Variants in NSUN6 observed in about 807,000 individuals in gnomAD.
NSUN6 encodes the protein tRNA (cytosine(72)-C(5))-methyltransferase NSUN6.
In NSUN6, 64 loss-of-function variants were observed where a neutral mutation model predicts 58.0. The observed-to-expected ratio is 1.10, with a 90% CI of 0.90 to 1.36. The LOEUF (loss-of-function observed/expected upper bound fraction) is 1.36. Among genes scored for constraint, NSUN6 ranks in the 40% most tolerant of loss-of-function variants. NSUN6 has a pLI of 0.00. For synonymous variants in NSUN6, 231 were observed against 193.9 expected, an observed-to-expected ratio of 1.19 and a Z score of -1.59; for missense variants, 701 against 550.1, an observed-to-expected ratio of 1.27 and a Z score of -2.74.
At chr10:18,635,211 C>T (rs1289659786) in intron 3 of NSUN6, among the ~76,000 whole-genome samples, 2 of 152,138 alleles carry the variant, frequency 1.3e-5, no homozygotes, top group Non-Finnish European at 2.9e-5. Flanking sequence ...TTAAGCATGT[C>T]CTATGGGACC....
intron 6 of NSUN6, among the ~76,000 whole-genome samples, chr10:18,604,742 T>G (rs886830023): frequency 4.0e-5 from 6 of 151,662 alleles, no homozygotes; most frequent in Admixed American, 2.0e-4. Context: ...AAAAATTAAC[T>G]GGGTGTAGTG....
At chr10:18,600,543 T>C (rs1380868207) in intron 6 of NSUN6, among the ~76,000 whole-genome samples, 1 of 152,028 alleles carries the variant, frequency 6.6e-6, no homozygotes, top group Non-Finnish European at 1.5e-5. Context: ...GAAGATCACT[T>C]GAGCCTGGAA....
rs559049092 is a variant in NSUN6, at chr10:18,593,108, C to G, written c.777+3100G>C. Among the ~76,000 whole-genome samples, 39 of 152,248 alleles carry G rather than the reference C, an allele frequency of 2.6e-4. 1 individual carries two copies. In the South Asian group the frequency reaches 7.5e-3, roughly 29 times the overall value. On this transcript the variant is annotated intron_variant, in intron 7 of 10. Coordinates refer to ENST00000377304, the MANE Select transcript of NSUN6 (RefSeq NM_182543.5). ...CTGCCAATAAACATATGAAAAAAAGCTCGTCATCACTGGTCATTAGAGAAA... is the reference window on the plus strand; with the variant it reads ...CTGCCAATAAACATATGAAAAAAAGGTCGTCATCACTGGTCATTAGAGAAA...
intron 8 of NSUN6, among the ~76,000 whole-genome samples, chr10:18,565,522 CCATTA>C (rs949357605): frequency 2.0e-5 from 3 of 151,072 alleles, no homozygotes; most frequent in African/African-American, 7.3e-5. Flanking sequence ...ACTCCATTTT[CCATTA>C]CATTACATTC....
At chr10:18,586,690 C>T (rs2057160690) in intron 7 of NSUN6, among the ~76,000 whole-genome samples, 1 of 152,210 alleles carries the variant, frequency 6.6e-6, no homozygotes. Flanking sequence ...AAAGGTAGTG[C>T]AGACCCAAAG....
At chr10:18,577,116 G>C (rs1023438416) in intron 8 of NSUN6, among the ~76,000 whole-genome samples, 4 of 152,182 alleles carry the variant, frequency 2.6e-5, no homozygotes, top group African/African-American at 4.8e-5. Flanking sequence ...CTACACTACA[G>C]ATGCTGTTAA....
chr10:18,595,556 A>G (rs549741476), intron 7 of NSUN6, among the ~76,000 whole-genome samples: 1 of 152,294 alleles, frequency 6.6e-6, no homozygotes, highest in South Asian at 2.1e-4. Flanking sequence ...TATTTAATGC[A>G]TTTTTCCTTC....
At chr10:18,554,788 C>T (rs973233434) in intron 8 of NSUN6, among the ~76,000 whole-genome samples, 2 of 142,610 alleles carry the variant, frequency 1.4e-5, no homozygotes, top group African/African-American at 5.2e-5. Context: ...GAATGTATTA[C>T]AATGGAGAAT....
intron 8 of NSUN6, among the ~76,000 whole-genome samples, chr10:18,556,612 G>C (rs949839543): frequency 1.6e-4 from 25 of 151,556 alleles, no homozygotes; most frequent in African/African-American, 6.1e-4. Context: ...ATAGACAATG[G>C]AATGGAATGG....
chr10:18,603,135 A>T (rs1258614304), intron 6 of NSUN6, among the ~76,000 whole-genome samples: 1 of 152,156 alleles, frequency 6.6e-6, no homozygotes, highest in Non-Finnish European at 1.5e-5. Context: ...TCTACTAAAA[A>T]TATGAAAATT....
At position 18,565,585 on chromosome 10, in the gene NSUN6, GCACTCTATTC is replaced by G. The variant is rs1277811741; in HGVS notation, c.923-13624_923-13615del. ...TCCAATCCATTCTCCATTCCATTCA[GCACTCTATTC>G]CATTCTCCATTCCATTCTCCATTTG... On this transcript the variant is annotated intron_variant, in intron 8 of 10. Transcript: ENST00000377304. 9.7e-5 allele frequency among the ~76,000 whole-genome samples: 14 copies of G among 144,114 alleles called. No individual in the cohort carries two copies. The South Asian group carries it at 1.5e-3, about 16-fold the overall frequency. 94.5% of individuals were successfully genotyped at this position (144,114 alleles called of 152,430 possible).
chr10:18,603,956 G>A (rs947369981), intron 6 of NSUN6, among the ~76,000 whole-genome samples: 2 of 152,138 alleles, frequency 1.3e-5, no homozygotes, highest in East Asian at 3.9e-4. Flanking sequence ...GATTAAGGCA[G>A]GCAGATCACG....
chr10:18,593,110 C>T (rs1475908249), intron 7 of NSUN6, among the ~76,000 whole-genome samples: 2 of 152,156 alleles, frequency 1.3e-5, no homozygotes, highest in African/African-American at 2.4e-5. Context: ...AAAAAAAGCT[C>T]GTCATCACTG....
At chr10:18,648,814 C>T (rs180673354) in intron 1 of NSUN6, among the ~76,000 whole-genome samples, 169 bp from the exon 2 acceptor site, 5 of 152,106 alleles carry the variant, frequency 3.3e-5, no homozygotes, top group African/African-American at 7.2e-5. Context: ...TAATACTTCA[C>T]GGGGTTCTTG....
chr10:18,599,883 A>G (rs2057737688), intron 6 of NSUN6, among the ~76,000 whole-genome samples: 1 of 152,212 alleles, frequency 6.6e-6, no homozygotes, highest in Non-Finnish European at 1.5e-5. Flanking sequence ...TTAGACAATT[A>G]GTTCAACTGA....
intron 8 of NSUN6, among the ~76,000 whole-genome samples, chr10:18,569,474 A>G (rs770741763): frequency 3.9e-4 from 58 of 147,512 alleles, no homozygotes; most frequent in Non-Finnish European, 6.9e-4. Context: ...ATTCCTTTCC[A>G]TCCTCCATTC....
At chr10:18,586,243 A>C in intron 7 of NSUN6, 150 bp from the exon 8 acceptor site, 1 of 630,192 alleles carries the variant, frequency 1.6e-6, no homozygotes, top group Non-Finnish European at 2.6e-6. Flanking sequence ...CCATTAACCA[A>C]ATGTATGTGT....
At chr10:18,632,583 A>C (rs578073267) in intron 3 of NSUN6, among the ~76,000 whole-genome samples, 91 of 152,052 alleles carry the variant, frequency 6.0e-4, no homozygotes, top group African/African-American at 2.1e-3. Context: ...ACCCCATCAA[A>C]AAGTGGGCGA....
upstream of NSUN6, chr10:18,652,822 G>C: frequency 1.3e-6 from 1 of 794,924 alleles, no homozygotes; most frequent in Non-Finnish European, 1.5e-6. Flanking sequence ...GCCTCCCAAA[G>C]TGCTGGGATT....
Sources: gnomAD v4.1 joint callset for allele counts (sites outside exome capture counted in the v4.1 genomes callset) on GRCh38, gnomAD v4.1.1 for gene constraint, MANE v1.5 for transcripts, NCBI Gene and HGNC (gene_info 2026-07-23, HGNC 2026-07-21) for gene names.